The following CATSPERG variants were observed in gnomAD, a reference collection of about 807,000 sequenced individuals.
CATSPERG encodes cation channel sperm-associated auxiliary subunit gamma.
A neutral mutation model predicts 145.0 loss-of-function variants in CATSPERG; 115 were observed. The observed-to-expected ratio is 0.79, with a 90% CI of 0.68 to 0.93. The LOEUF is 0.93. Ranked by LOEUF, CATSPERG falls within the 40% of genes least tolerant of loss-of-function variation. CATSPERG has a pLI of 0.00. For synonymous variants in CATSPERG, 588 were observed against 589.0 expected (o/e 1.00, Z 0.02); for missense variants, 1,296 against 1,490.1 (o/e 0.87, Z 2.14).
chr19:38,337,024 T>G (rs1391137585), intron 1 of CATSPERG, 197 bp from the exon 2 acceptor site: 30 of 614,316 alleles, frequency 4.9e-5, no homozygotes, highest in Non-Finnish European at 8.1e-5. Flanking sequence ...GAGGCGGGGC[T>G]AAAAGTCCGT....
At chr19:38,367,934 C>A in intron 25 of CATSPERG, 114 bp from the exon 26 acceptor site, 1 of 1,174,270 alleles carries the variant, frequency 8.5e-7, no homozygotes, top group Non-Finnish European at 1.3e-6. Flanking sequence ...CTGCCCGCCC[C>A]TAACACCATG....
In CATSPERG at chr19:38,335,867, A is replaced by G; in HGVS notation, c.-23A>G. On this transcript the variant is annotated 5_prime_UTR_variant, in exon 1 of 29. Coordinates refer to ENST00000409235, the MANE Select transcript of CATSPERG (RefSeq NM_021185.5). ...GAGTGACAGTTGACCGGTTTTAACC[A>G]AGTGACTGGTACCACGGGGCCGGGG... 4.1e-6 allele frequency: 1 copy of G among 241,336 alleles called. No individual in the cohort carries two copies. The highest frequency in any genetic ancestry group is 3.7e-5 in the South Asian group (1 of 27,200). The allele number at this position is 241,336 out of a possible 1,614,324, so 14.9% of individuals were successfully genotyped here.
intron 9 of CATSPERG, among the ~76,000 whole-genome samples, chr19:38,355,416 G>T (rs945641181): frequency 1.3e-5 from 2 of 151,538 alleles, no homozygotes; most frequent in Non-Finnish European, 2.9e-5. Flanking sequence ...TTGAAGTACA[G>T]CTGGGCACAG....
At chr19:38,353,132 A>C (rs1043813881) in intron 8 of CATSPERG, among the ~76,000 whole-genome samples, 1 of 151,144 alleles carries the variant, frequency 6.6e-6, no homozygotes, top group African/African-American at 2.4e-5. Flanking sequence ...TCAGGAGTTC[A>C]AGGCCAGCCT....
Position 38,364,694 on chromosome 19 carries a change from C to T in CATSPERG, c.2476-197C>T, listed in dbSNP as rs566543902. Among the ~76,000 whole-genome samples, 409 of 152,370 alleles carry T rather than the reference C, an allele frequency of 2.7e-3. 2 individuals are homozygous for T. The highest frequency in any genetic ancestry group is 5.0e-3 in the Non-Finnish European group (338 of 68,036). On this transcript the variant is annotated intron_variant, in intron 20 of 28. Coordinates refer to ENST00000409235, the MANE Select transcript of CATSPERG (RefSeq NM_021185.5). ...CGGCACCTCGGGAGGCCGAGGCTGG[C>T]GGATCACTCGCGGTTAGGAGCTGGA...
rs578158687 is a variant in CATSPERG at position 38,355,831 on chromosome 19, C to G, written c.1136-653C>G. Among the ~76,000 whole-genome samples the G allele has an allele frequency of 4.5e-4, 68 of 152,284 alleles. 1 individual carries two copies. In the South Asian group the frequency reaches 0.014, roughly 31 times the overall value. ...AGGGTAGGTCATCAGGACTCCATCT[C>G]TTGGTAAGGTAGTGCAGCATAGTAA... On this transcript the variant is annotated intron_variant, in intron 9 of 28. Coordinates refer to ENST00000409235, the MANE Select transcript of CATSPERG (RefSeq NM_021185.5).
chr19:38,370,844 C>T lies in CATSPERG; in HGVS notation c.*52C>T. On this transcript the variant is annotated 3_prime_UTR_variant, in exon 29 of 29. Coordinates refer to ENST00000409235, the MANE Select transcript of CATSPERG (RefSeq NM_021185.5). ...TACTGTCACGCCTCTCTTATGAGGC[C>T]CATCTTGAAGATGCAACCTGTCACC... 2 of 1,573,964 alleles carry T rather than the reference C, an allele frequency of 1.3e-6. No individual in the cohort carries two copies. Among genetic ancestry groups the T allele is most frequent in the Non-Finnish European group, 8.7e-7 (1 of 1,149,372 alleles).
chr19:38,347,491 T>C lies in CATSPERG; in HGVS notation c.825+886T>C, dbSNP rs569415309. Among the ~76,000 whole-genome samples the C allele has an allele frequency of 3.9e-4, 60 of 152,260 alleles. 1 individual carries two copies. The South Asian group carries it at 5.0e-3, about 13-fold the overall frequency. ...TGCAATATACATCTCTGCCCAAGGGTTTCCTATTAGGCATTGAGAGCCTAT... is the reference window on the plus strand; with the variant it reads ...TGCAATATACATCTCTGCCCAAGGGCTTCCTATTAGGCATTGAGAGCCTAT... On this transcript the variant is annotated intron_variant, in intron 7 of 28. Transcript: ENST00000409235.
chr19:38,339,948 A>G (rs1484468569), intron 3 of CATSPERG, among the ~76,000 whole-genome samples: 1 of 149,656 alleles, frequency 6.7e-6, no homozygotes, highest in East Asian at 2.0e-4. Context: ...TCCCCCTCCC[A>G]GGTTCAAGCG....
chr19:38,344,899 A>ATTTTTT (rs1457655650), intron 6 of CATSPERG, among the ~76,000 whole-genome samples: 6 of 93,098 alleles, frequency 6.4e-5, no homozygotes, highest in South Asian at 3.9e-4. Flanking sequence ...ATATATATAT[A>ATTTTTT]TATTTTTTTT....
Position 38,362,282 on chromosome 19 carries a change from G to A in CATSPERG, c.2157+10G>A, listed in dbSNP as rs772866133. On this transcript the variant is annotated intron_variant, in intron 18 of 28. Transcript: ENST00000409235. Reference sequence around the variant, plus strand: ...CAACAAACAAGACCAGGTAGGCGGAGCGGATTGGGAGCCGGGAAAGGGGCG... The same window carrying A: ...CAACAAACAAGACCAGGTAGGCGGAACGGATTGGGAGCCGGGAAAGGGGCG... The A allele has an allele frequency of 6.2e-7, 1 of 1,613,598 alleles. No individual in the cohort carries two copies. Among genetic ancestry groups the A allele is most frequent in the Non-Finnish European group, 8.5e-7 (1 of 1,179,718 alleles).
chr19:38,361,520 AC>A, intron 16 of CATSPERG, 127 bp from the exon 17 acceptor site: 1 of 744,214 alleles, frequency 1.3e-6, no homozygotes, highest in East Asian at 2.7e-5. Context: ...GCAGGGGCTG[AC>A]GCTGAGGAGG....
chr19:38,367,726 C>A lies in CATSPERG; in HGVS notation c.2880C>A (p.Leu960=). ...VVGGGPTLDS[L]KDYSEDEIYR... is the part of the protein sequence containing the mutation. ...GTGGCGGGCCCACACTGGACAGCCT[C>A]AAGGACTACAGTGAGGACGAAATCT... Residue 960 remains leucine (L), a synonymous_variant, in exon 25 of 29, where the codon CTC becomes CTA. Coordinates refer to ENST00000409235, the MANE Select transcript of CATSPERG (RefSeq NM_021185.5). The A allele has an allele frequency of 6.2e-7, 1 of 1,614,144 alleles. No individual in the cohort carries two copies. Among genetic ancestry groups the A allele is most frequent in the African/African-American group, 1.3e-5 (1 of 75,010 alleles).
chr19:38,340,638 G>A (rs1437786502), intron 3 of CATSPERG, among the ~76,000 whole-genome samples: 2 of 151,830 alleles, frequency 1.3e-5, no homozygotes, highest in East Asian at 1.9e-4. Context: ...TATTTTTTTA[G>A]AGACAGGGTC....
intron 7 of CATSPERG, 137 bp from the exon 8 acceptor site, chr19:38,352,124 T>C: frequency 1.2e-6 from 1 of 803,264 alleles, no homozygotes. Flanking sequence ...TGCTGCGGGG[T>C]GAGCAGGGAG....
intron 20 of CATSPERG, among the ~76,000 whole-genome samples, chr19:38,363,467 G>T (rs1027240754): frequency 1.3e-5 from 2 of 150,094 alleles, no homozygotes; most frequent in African/African-American, 4.9e-5. Flanking sequence ...ACCACCCTGT[G>T]CTTGGCCCCG....
At chr19:38,360,449 A>G in intron 14 of CATSPERG, 40 bp from the exon 15 acceptor site, 1 of 1,611,130 alleles carries the variant, frequency 6.2e-7, no homozygotes, top group Non-Finnish European at 8.5e-7. Context: ...AGAGGACCCC[A>G]TGGTCCTGAC....
chr19:38,370,140 C>A lies in CATSPERG; in HGVS notation c.3114-19C>A. 6.2e-7 allele frequency: 1 copy of A among 1,613,476 alleles called. No individual in the cohort carries two copies. The highest frequency in any genetic ancestry group is 1.1e-5 in the South Asian group (1 of 91,072). On this transcript the variant is annotated intron_variant, in intron 27 of 28. Coordinates refer to ENST00000409235, the MANE Select transcript of CATSPERG (RefSeq NM_021185.5). ...CCTGGCTTCTCCTCTAATCCTGGAT[C>A]CCCTCCCAACCCCTGCAGAGGAGTG...
chr19:38,341,416 C>G (rs1220226412), intron 3 of CATSPERG, among the ~76,000 whole-genome samples: 1 of 152,180 alleles, frequency 6.6e-6, no homozygotes, highest in Non-Finnish European at 1.5e-5. Context: ...AGCACCTTCT[C>G]CTCTGCAATG....
Sources: allele counts gnomAD v4.1 joint callset (sites outside exome capture counted in the v4.1 genomes callset), GRCh38; gene constraint gnomAD v4.1.1; transcripts MANE v1.5; gene names NCBI Gene and HGNC (gene_info 2026-07-23, HGNC 2026-07-21).